MAP2: variants seen among roughly 807,000 people sequenced by gnomAD.
MAP2 encodes microtubule-associated protein 2.
A neutral mutation model predicts 137.6 loss-of-function variants in MAP2; 14 were observed. The observed-to-expected ratio is 0.10, with a 90% CI of 0.07 to 0.16. The LOEUF (loss-of-function observed/expected upper bound fraction) is 0.16, where lower values mean the gene tolerates loss of function less well. Ranked by LOEUF, MAP2 falls within the 10% of genes least tolerant of loss-of-function variation. MAP2 has a pLI of 1.00. For synonymous variants in MAP2, 786 were observed against 782.3 expected, an observed-to-expected ratio of 1.00 and a Z score of -0.08; for missense variants, 2,088 against 2,191.5, an observed-to-expected ratio of 0.95 and a Z score of 0.94.
chr2:209,695,500 C>G lies in MAP2; in HGVS notation c.3330C>G (p.Val1110=). The part of the protein sequence containing the change: ...KEGTKVSETE[V]KEKVAKPDLV... ...GCACTAAAGTTAGTGAGACAGAAGT[C>G]AAAGAGAAGGTGGCCAAGCCTGACT... The change falls in exon 8 of 16, where the codon GTC becomes GTG. Residue 1110 remains valine, a synonymous_variant. Coordinates refer to ENST00000682079, the MANE Select transcript of MAP2 (RefSeq NM_001375505.1). 1 of 1,614,012 alleles carries G rather than the reference C, an allele frequency of 6.2e-7. No homozygotes were observed. Among genetic ancestry groups the G allele is most frequent in the Non-Finnish European group, 8.5e-7 (1 of 1,180,008 alleles).
intron 4 of MAP2, among the ~76,000 whole-genome samples, chr2:209,645,344 C>A (rs950161940): frequency 6.6e-6 from 1 of 151,942 alleles, no homozygotes; most frequent in Non-Finnish European, 1.5e-5. Flanking sequence ...TGGCTGTCTC[C>A]AATATAATAA....
intron 3 of MAP2, among the ~76,000 whole-genome samples, chr2:209,581,955 G>T (rs571530968): frequency 6.6e-6 from 1 of 152,010 alleles, no homozygotes; most frequent in African/African-American, 2.4e-5. Flanking sequence ...AGTAGGTTGG[G>T]TGATTAAAGC....
intron 2 of MAP2, among the ~76,000 whole-genome samples, chr2:209,542,797 C>A (rs558658291): frequency 6.6e-6 from 1 of 152,314 alleles, no homozygotes; most frequent in Admixed American, 6.5e-5. Flanking sequence ...AGAGCTAGGG[C>A]CTTTCTCTGG....
At chr2:209,564,583 A>AC (rs956152382) in intron 2 of MAP2, among the ~76,000 whole-genome samples, 2 of 143,518 alleles carry the variant, frequency 1.4e-5, no homozygotes, top group African/African-American at 5.3e-5. Context: ...AAAAAAAAAA[A>AC]CCAAAAGCCA....
chr2:209,516,599 T>C (rs1322741674), intron 2 of MAP2, among the ~76,000 whole-genome samples: 2 of 152,126 alleles, frequency 1.3e-5, no homozygotes, highest in African/African-American at 4.8e-5. Flanking sequence ...TTAAAATTTA[T>C]TTAAATTTTG....
At chr2:209,605,433 A>C (rs2084355981) in intron 3 of MAP2, among the ~76,000 whole-genome samples, 1 of 152,182 alleles carries the variant, frequency 6.6e-6, no homozygotes, top group South Asian at 2.1e-4. Context: ...AGTTTGAAAA[A>C]ATAAAGTTAG....
intron 1 of MAP2, among the ~76,000 whole-genome samples, chr2:209,501,623 A>T (rs2060389029): frequency 6.6e-6 from 1 of 152,138 alleles, no homozygotes; most frequent in African/African-American, 2.4e-5. Flanking sequence ...ATTGAAAATA[A>T]TTTTATTTGC....
intron 5 of MAP2, among the ~76,000 whole-genome samples, chr2:209,662,293 A>T (rs1559505543): frequency 6.6e-6 from 1 of 152,248 alleles, no homozygotes; most frequent in Non-Finnish European, 1.5e-5. Context: ...TGTGGAAATC[A>T]GTCTCGTTTC....
chr2:209,715,044 A>G (rs1053422121), intron 13 of MAP2, among the ~76,000 whole-genome samples: 1 of 152,318 alleles, frequency 6.6e-6, no homozygotes, highest in East Asian at 1.9e-4. Flanking sequence ...TTTTCATGAA[A>G]TAATTTAATG....
In MAP2 at chr2:209,733,924, C is replaced by T. The variant is rs1193365132; in HGVS notation, c.*3527C>T. 2.6e-5 allele frequency: 4 copies of T among 152,430 alleles called. No homozygotes were observed. The highest frequency in any genetic ancestry group is 1.5e-5 in the Non-Finnish European group (1 of 67,986). 9.4% of individuals were successfully genotyped at this position (152,430 alleles called of 1,614,324 possible). A position where few individuals can be genotyped will look rare whatever the true frequency, so the allele number is the denominator to read the frequency against. ...AAGTATACTCTGTATGCTGGGATTC[C>T]GAGGTTCCAACACACTGTTACAAAT... On this transcript the variant is annotated 3_prime_UTR_variant, in exon 16 of 16. Transcript: ENST00000682079.
chr2:209,460,966 C>T (rs1416187173), intron 1 of MAP2, among the ~76,000 whole-genome samples: 2 of 152,116 alleles, frequency 1.3e-5, no homozygotes, highest in Admixed American at 6.6e-5. Context: ...CCAGGCTGCT[C>T]TTGAACTCCT....
At chr2:209,546,047 G>T (rs1166851206) in intron 2 of MAP2, among the ~76,000 whole-genome samples, 1 of 152,184 alleles carries the variant, frequency 6.6e-6, no homozygotes, top group Non-Finnish European at 1.5e-5. Context: ...GGAGGCTGAG[G>T]CAGGAGAATG....
At chr2:209,445,130 A>G (rs547006380) in intron 1 of MAP2, among the ~76,000 whole-genome samples, 4 of 151,776 alleles carry the variant, frequency 2.6e-5, no homozygotes, top group South Asian at 4.1e-4. Flanking sequence ...ACCTTAACAC[A>G]TAAGTATCTA....
chr2:209,425,168 T>C (rs961112750), intron 1 of MAP2, among the ~76,000 whole-genome samples: 1 of 152,160 alleles, frequency 6.6e-6, no homozygotes, highest in African/African-American at 2.4e-5. Context: ...ATTAATGTTA[T>C]TCTGCCTGGC....
intron 1 of MAP2, among the ~76,000 whole-genome samples, chr2:209,507,378 A>T (rs550351177): frequency 6.6e-6 from 1 of 152,290 alleles, no homozygotes; most frequent in Admixed American, 6.5e-5. Flanking sequence ...GGCATTTAAT[A>T]TATATTTTTT....
chr2:209,644,107 T>C (rs1248255302), intron 4 of MAP2, among the ~76,000 whole-genome samples: 1 of 152,202 alleles, frequency 6.6e-6, no homozygotes, highest in Non-Finnish European at 1.5e-5. Context: ...GAAATTCTAA[T>C]TTGTTAAACC....
chr2:209,639,167 GCAT>G (rs1235937069), intron 4 of MAP2, among the ~76,000 whole-genome samples: 2 of 151,954 alleles, frequency 1.3e-5, no homozygotes, highest in Non-Finnish European at 2.9e-5. Flanking sequence ...ACCATGCCTG[GCAT>G]CAGCACAAAT....
intron 13 of MAP2, 74 bp from the exon 14 acceptor site, chr2:209,725,635 T>C (rs539488465): frequency 5.2e-5 from 47 of 901,968 alleles, no homozygotes; most frequent in African/African-American, 5.2e-4. Flanking sequence ...GGTGTGTTTC[T>C]AGATCTTATG....
At chr2:209,659,134 C>G (rs2042243256) in intron 5 of MAP2, among the ~76,000 whole-genome samples, 1 of 152,160 alleles carries the variant, frequency 6.6e-6, no homozygotes, top group African/African-American at 2.4e-5. Flanking sequence ...CAACTCTCTT[C>G]TCAACTGTCC....
Sources: gnomAD v4.1 joint callset for allele counts (sites outside exome capture counted in the v4.1 genomes callset) on GRCh38, gnomAD v4.1.1 for gene constraint, MANE v1.5 for transcripts, NCBI Gene and HGNC (gene_info 2026-07-23, HGNC 2026-07-21) for gene names.